Variants in CADM2 observed in about 807,000 individuals in gnomAD.
CADM2 encodes the protein cell adhesion molecule 2, also known as immunoglobulin superfamily member 4D.
Under a neutral mutation model 49.8 loss-of-function variants are expected in CADM2, and 12 were observed. The ratio of observed to expected loss-of-function variants is 0.24; its 90% CI spans 0.15 to 0.39. The LOEUF is 0.39. Ranked by LOEUF, CADM2 falls within the 10% of genes least tolerant of loss-of-function variation. CADM2 has a pLI of 1.00. For missense variants in CADM2, 378 were observed against 492.3 expected, an observed-to-expected ratio of 0.77 and a Z score of 2.20; for synonymous variants, 214 against 175.4, an observed-to-expected ratio of 1.22 and a Z score of -1.74.
chr3:85,049,238 G>A (rs1308704880), intron 1 of CADM2, among the ~76,000 whole-genome samples: 1 of 152,062 alleles, frequency 6.6e-6, no homozygotes, highest in Non-Finnish European at 1.5e-5. Flanking sequence ...TGAAAGTGAA[G>A]TAGTAATACA....
intron 2 of CADM2, among the ~76,000 whole-genome samples, chr3:85,787,700 A>G (rs2108018260): frequency 6.6e-6 from 1 of 152,272 alleles, no homozygotes; most frequent in South Asian, 2.1e-4. Context: ...AGGGTCAGCA[A>G]ATTAGAAAAC....
At chr3:85,219,600 G>A (rs1243222887) in intron 1 of CADM2, among the ~76,000 whole-genome samples, 1 of 152,082 alleles carries the variant, frequency 6.6e-6, no homozygotes, top group Non-Finnish European at 1.5e-5. Context: ...ACATTTCCCT[G>A]TTATGCCACT....
At chr3:85,706,741 CA>C (rs748692429) in intron 1 of CADM2, among the ~76,000 whole-genome samples, 6 of 152,038 alleles carry the variant, frequency 3.9e-5, no homozygotes, top group Non-Finnish European at 5.9e-5. Context: ...TCTGTATCAT[CA>C]AAATAATAAG....
chr3:85,843,341 T>G (rs1446164813), intron 3 of CADM2, among the ~76,000 whole-genome samples: 1 of 152,104 alleles, frequency 6.6e-6, no homozygotes, highest in Non-Finnish European at 1.5e-5. Context: ...TATCTTTGTC[T>G]TTAAGAATAC....
intron 1 of CADM2, among the ~76,000 whole-genome samples, chr3:85,505,643 A>T (rs1456222630): frequency 6.6e-6 from 1 of 152,196 alleles, no homozygotes; most frequent in Non-Finnish European, 1.5e-5. Flanking sequence ...CTTTGTCATA[A>T]AGTAGCCATC....
chr3:85,974,946 A>G (rs1442528940), intron 8 of CADM2, among the ~76,000 whole-genome samples: 1 of 151,646 alleles, frequency 6.6e-6, no homozygotes, highest in East Asian at 1.9e-4. Flanking sequence ...GCAAAATTAT[A>G]AGAAGATATT....
At chr3:85,301,813 C>A (rs2044108093) in intron 1 of CADM2, among the ~76,000 whole-genome samples, 1 of 151,998 alleles carries the variant, frequency 6.6e-6, no homozygotes, top group South Asian at 2.1e-4. Context: ...GTGATATGAG[C>A]TCAGGTCTCC....
rs139297934 is a variant in CADM2, at chr3:85,159,390, G to A, written c.61+199722G>A. Among the ~76,000 whole-genome samples, 324 of 150,706 alleles carry A rather than the reference G, an allele frequency of 2.1e-3. 2 individuals are homozygous for A. Among genetic ancestry groups the A allele is most frequent in the African/African-American group, 7.7e-3 (307 of 40,086 alleles). ...TAGGGATTTTAAGGGAATTGTGGAA[G>A]GTGATGGGCCAGGAAATTAGGGTTG... On this transcript the variant is annotated intron_variant, in intron 1 of 9. Transcript: ENST00000383699.
At position 85,639,021 on chromosome 3, in the gene CADM2, G is replaced by A. The variant is rs141884590; in HGVS notation, c.62-87501G>A. Among the ~76,000 whole-genome samples the A allele has an allele frequency of 2.2e-4, 33 of 152,230 alleles. 1 individual carries two copies. The East Asian group carries it at 6.4e-3, about 29-fold the overall frequency. On this transcript the variant is annotated intron_variant, in intron 1 of 9. Coordinates refer to ENST00000383699, the MANE Select transcript of CADM2 (RefSeq NM_001167675.2). Reference sequence around the variant, plus strand: ...GGTGAAGGTTACAGAGTACATTCCTGTAAAGAGTAAATACGAACCAAAAAT... The same window carrying A: ...GGTGAAGGTTACAGAGTACATTCCTATAAAGAGTAAATACGAACCAAAAAT...
intron 8 of CADM2, among the ~76,000 whole-genome samples, chr3:85,985,459 A>G (rs1364780490): frequency 6.6e-6 from 1 of 152,012 alleles, no homozygotes; most frequent in Non-Finnish European, 1.5e-5. Flanking sequence ...CCAACAGACC[A>G]CAGCACTACT....
chr3:85,455,248 A>T (rs1051627096), intron 1 of CADM2, among the ~76,000 whole-genome samples: 1 of 152,244 alleles, frequency 6.6e-6, no homozygotes. Flanking sequence ...TTCTCTTTGA[A>T]TTCATAAGTA....
intron 1 of CADM2, among the ~76,000 whole-genome samples, chr3:85,324,467 A>T (rs1204839958): frequency 1.3e-5 from 2 of 152,170 alleles, no homozygotes; most frequent in South Asian, 4.1e-4. Flanking sequence ...GTCTGAAAAA[A>T]GTACATCACC....
chr3:86,052,286 T>A (rs1455705711), intron 8 of CADM2, among the ~76,000 whole-genome samples: 1 of 152,178 alleles, frequency 6.6e-6, no homozygotes, highest in African/African-American at 2.4e-5. Context: ...GCTATAGGGT[T>A]CTATCATTAA....
chr3:85,770,365 CG>C (rs1404283375), intron 2 of CADM2, among the ~76,000 whole-genome samples: 1 of 151,962 alleles, frequency 6.6e-6, no homozygotes, highest in African/African-American at 2.4e-5. Flanking sequence ...TGGAGTGCAG[CG>C]GCACCCTCAT....
In CADM2 at chr3:85,030,810, C is replaced by T. The variant is rs112408404; in HGVS notation, c.61+71142C>T. 4.9e-3 allele frequency among the ~76,000 whole-genome samples: 748 copies of T among 152,200 alleles called. 6 individuals are homozygous for T. The highest frequency in any genetic ancestry group is 0.017 in the African/African-American group (717 of 41,500). On this transcript the variant is annotated intron_variant, in intron 1 of 9. Coordinates refer to ENST00000383699, the MANE Select transcript of CADM2 (RefSeq NM_001167675.2). ...AAGTTCTCTTTTCTGAAACTCTTTCCGTCTCTCCCCTGAGAAACTCCTACC... is the reference window on the plus strand; with the variant it reads ...AAGTTCTCTTTTCTGAAACTCTTTCTGTCTCTCCCCTGAGAAACTCCTACC...
intron 1 of CADM2, among the ~76,000 whole-genome samples, chr3:85,137,617 TTC>T (rs547320209): frequency 1.9e-4 from 29 of 152,180 alleles, no homozygotes; most frequent in African/African-American, 6.3e-4. Flanking sequence ...TTTCACAACT[TTC>T]TGAGTTTCCA....
intron 5 of CADM2, among the ~76,000 whole-genome samples, chr3:85,891,873 C>A (rs1714477308): frequency 6.6e-6 from 1 of 152,240 alleles, no homozygotes; most frequent in Non-Finnish European, 1.5e-5. Flanking sequence ...AGCCAAGTGA[C>A]ACTGAGCAGA....
chr3:85,609,000 A>AT (rs2063607632), intron 1 of CADM2, among the ~76,000 whole-genome samples: 1 of 152,044 alleles, frequency 6.6e-6, no homozygotes, highest in East Asian at 1.9e-4. Context: ...AATATTTACA[A>AT]TTTTTTTGTT....
chr3:85,484,515 A>G (rs1420211586), intron 1 of CADM2, among the ~76,000 whole-genome samples: 1 of 151,958 alleles, frequency 6.6e-6, no homozygotes, highest in Admixed American at 6.6e-5. Context: ...TATTCTATAT[A>G]GAGCCAACAG....
Sources: gnomAD v4.1 joint callset for allele counts (sites outside exome capture counted in the v4.1 genomes callset) on GRCh38, gnomAD v4.1.1 for gene constraint, MANE v1.5 for transcripts, NCBI Gene and HGNC (gene_info 2026-07-23, HGNC 2026-07-21) for gene names.